IFFO2: variants seen among roughly 807,000 people sequenced by gnomAD.
The protein encoded by IFFO2 is intermediate filament family orphan 2.
In IFFO2, 19 loss-of-function variants were observed where a neutral mutation model predicts 53.5. The ratio of observed to expected loss-of-function variants is 0.36; its 90% CI spans 0.25 to 0.52. IFFO2 has a LOEUF of 0.52. IFFO2 is among the 20% of genes least tolerant of loss of function. The pLI is 0.94. For synonymous variants in IFFO2, 303 were observed against 313.6 expected, an observed-to-expected ratio of 0.97 and a Z score of 0.36; for missense variants, 570 against 727.4, an observed-to-expected ratio of 0.78 and a Z score of 2.49.
rs1557634438 is a variant in IFFO2, at chr1:18,904,542, G to C, written c.*4019C>G. 6.6e-6 allele frequency: 1 copy of C among 152,208 alleles called. No homozygotes were observed. The highest frequency in any genetic ancestry group is 2.4e-5 in the African/African-American group (1 of 41,412). 9.4% of individuals were successfully genotyped at this position (152,208 alleles called of 1,614,324 possible). A position where few individuals can be genotyped will look rare whatever the true frequency, so the allele number is the denominator to read the frequency against. ...AAAAACATCCACAAGGGGTCTTGCA[G>C]GGAAGGGCTTTGCCTCATTTCTTTG... On this transcript the variant is annotated 3_prime_UTR_variant, in exon 9 of 9. Transcript: ENST00000455833.
In IFFO2 at chr1:18,914,591, C is replaced by T. The variant is rs138239219; in HGVS notation, c.1103+2312G>A. Among the ~76,000 whole-genome samples the T allele has an allele frequency of 5.9e-5, 9 of 151,880 alleles. No individual in the cohort carries two copies. The East Asian group carries it at 1.7e-3, about 29-fold the overall frequency. Reference sequence around the variant, plus strand: ...CAGGACTTCGGGAGGCCAAGGTGGGCGGATCACTTTAGGACAGGAGTTTGA... The same window carrying T: ...CAGGACTTCGGGAGGCCAAGGTGGGTGGATCACTTTAGGACAGGAGTTTGA... On this transcript the variant is annotated intron_variant, in intron 5 of 8. Coordinates refer to ENST00000455833, the MANE Select transcript of IFFO2 (RefSeq NM_001136265.2).
intron 1 of IFFO2, among the ~76,000 whole-genome samples, chr1:18,926,975 C>A (rs1248992054): frequency 1.3e-5 from 2 of 152,192 alleles, no homozygotes; most frequent in Non-Finnish European, 2.9e-5. Context: ...CATCCCAAGA[C>A]ACCAGGGCAG....
chr1:18,946,986 T>C (rs1368014997), intron 1 of IFFO2, among the ~76,000 whole-genome samples: 1 of 152,250 alleles, frequency 6.6e-6, no homozygotes, highest in African/African-American at 2.4e-5. Flanking sequence ...GCACATGCTG[T>C]TGTCACATGA....
At position 18,908,545 on chromosome 1, in the gene IFFO2, C is replaced by T. The variant is rs530064644; in HGVS notation, c.*16G>A. ...GCCCCATCACCAAGACCACCAGGCT[C>T]GCAGGGCCTCAGTCATCAGCTGACC... On this transcript the variant is annotated 3_prime_UTR_variant, in exon 9 of 9. Transcript: ENST00000455833. The T allele has an allele frequency of 3.3e-5, 51 of 1,539,604 alleles. No homozygotes were observed. The East Asian group carries it at 9.3e-4, about 28-fold the overall frequency.
At chr1:18,912,236 T>G (rs1936052001) in intron 5 of IFFO2, among the ~76,000 whole-genome samples, 153 bp from the exon 6 acceptor site, 1 of 152,196 alleles carries the variant, frequency 6.6e-6, no homozygotes, top group Non-Finnish European at 1.5e-5. Flanking sequence ...GACATTCGCC[T>G]TATCCAAAAG....
chr1:18,929,712 G>A (rs2148177118), intron 1 of IFFO2, among the ~76,000 whole-genome samples: 1 of 152,128 alleles, frequency 6.6e-6, no homozygotes, highest in East Asian at 1.9e-4. Context: ...CTGGGCTCCG[G>A]CCCCCCAGCC....
intron 5 of IFFO2, among the ~76,000 whole-genome samples, chr1:18,914,376 C>T (rs960754217): frequency 6.6e-6 from 1 of 152,208 alleles, no homozygotes; most frequent in Non-Finnish European, 1.5e-5. Context: ...TTTATAAAAG[C>T]AGGGACAACA....
chr1:18,948,411 T>C (rs28572023), intron 1 of IFFO2, among the ~76,000 whole-genome samples: 120,444 of 152,098 alleles, frequency 0.79, 48,816 homozygotes, highest in East Asian at 0.94. Context: ...CACGTGGGCA[T>C]AGTGAAGCTC....
intron 1 of IFFO2, 37 bp downstream of exon 1, chr1:18,955,631 C>G: frequency 6.5e-7 from 1 of 1,530,118 alleles, no homozygotes; most frequent in Non-Finnish European, 8.7e-7. Flanking sequence ...ACCTGGGCGC[C>G]CCGTCCCAGG....
chr1:18,912,625 A>G (rs1306389169), intron 5 of IFFO2, among the ~76,000 whole-genome samples: 3 of 152,182 alleles, frequency 2.0e-5, no homozygotes, highest in Non-Finnish European at 2.9e-5. Context: ...ACACTCCCCA[A>G]GCACCCATTA....
At chr1:18,925,013 A>G (rs1018566717) in intron 1 of IFFO2, among the ~76,000 whole-genome samples, 12 of 152,142 alleles carry the variant, frequency 7.9e-5, no homozygotes, top group Non-Finnish European at 1.8e-4. Flanking sequence ...ACACGGCCTG[A>G]ATCACTGAGA....
At position 18,928,063 on chromosome 1, in the gene IFFO2, G is replaced by A. The variant is rs147676258; in HGVS notation, c.666-6942C>T. On this transcript the variant is annotated intron_variant, in intron 1 of 8. Coordinates refer to ENST00000455833, the MANE Select transcript of IFFO2 (RefSeq NM_001136265.2). The surrounding 1 kb of genome is among the most constrained non-coding windows in gnomAD (Gnocchi z 4.9). ...CCTGGGCAGCTCAGCACTGATGCAC[G>A]TGTGGATGCCTTGCCTCCTGACTTT... Among the ~76,000 whole-genome samples, 201 of 152,340 alleles carry A rather than the reference G, an allele frequency of 1.3e-3. No individual in the cohort carries two copies. The highest frequency in any genetic ancestry group is 4.7e-3 in the African/African-American group (197 of 41,574).
chr1:18,956,513 G>A lies in IFFO2; in HGVS notation c.-181C>T, dbSNP rs1375900760. 4.4e-5 allele frequency: 7 copies of A among 158,352 alleles called. No homozygotes were observed. In the East Asian group the frequency reaches 1.3e-3, roughly 29 times the overall value. 9.8% of individuals were successfully genotyped at this position (158,352 alleles called of 1,614,324 possible). A position where few individuals can be genotyped will look rare whatever the true frequency, so the allele number is the denominator to read the frequency against. On this transcript the variant is annotated 5_prime_UTR_variant, in exon 1 of 9. Transcript: ENST00000455833. This position sits in a 1 kb window ranked among gnomAD's most constrained non-coding sequence, Gnocchi z 6.4. ...GACGGCAGGACGGATGGCCCCGGAT[G>A]CGGGCGCCGAGGCGAGAGAGGGCAC...
intron 1 of IFFO2, among the ~76,000 whole-genome samples, chr1:18,921,327 G>T (rs1936213354): frequency 6.6e-6 from 1 of 152,226 alleles, no homozygotes; most frequent in Admixed American, 6.5e-5. Flanking sequence ...TATAACCAGA[G>T]TATCAGGTGG....
At chr1:18,909,787 G>A (rs1036969768) in intron 8 of IFFO2, among the ~76,000 whole-genome samples, 24 of 151,510 alleles carry the variant, frequency 1.6e-4, no homozygotes, top group African/African-American at 5.1e-4. Context: ...TTTTTGAGAC[G>A]GGGTCTTGCT....
At chr1:18,914,684 G>A (rs962292521) in intron 5 of IFFO2, among the ~76,000 whole-genome samples, 1 of 152,034 alleles carries the variant, frequency 6.6e-6, no homozygotes, top group Non-Finnish European at 1.5e-5. Flanking sequence ...TTAGCTGGGT[G>A]TGGTGGTGTG....
chr1:18,933,750 C>T (rs1377771955), intron 1 of IFFO2, among the ~76,000 whole-genome samples: 1 of 151,780 alleles, frequency 6.6e-6, no homozygotes, highest in African/African-American at 2.4e-5. Context: ...AGAGCAAGAC[C>T]CTGTCTCAAA....
chr1:18,908,167 T>C lies in IFFO2; in HGVS notation c.*394A>G, dbSNP rs1008183886. The C allele has an allele frequency of 9.3e-5, 21 of 226,424 alleles. No individual in the cohort carries two copies. The highest frequency in any genetic ancestry group is 3.3e-4 in the African/African-American group (15 of 44,916). The allele number at this position is 226,424 out of a possible 1,614,324, so 14.0% of individuals were successfully genotyped here. On this transcript the variant is annotated 3_prime_UTR_variant, in exon 9 of 9. Transcript: ENST00000455833. ...GTGGGACGGACGGCAGAAACCACAT[T>C]ACACCACGGCCGGTTGGCCCGGCCC...
At chr1:18,950,708 C>T (rs1028931714) in intron 1 of IFFO2, among the ~76,000 whole-genome samples, 2 of 152,224 alleles carry the variant, frequency 1.3e-5, no homozygotes, top group South Asian at 2.1e-4. Context: ...GGGCAGCCTT[C>T]GGGCTTCGGG....
Sources: gnomAD v4.1 joint callset for allele counts (sites outside exome capture counted in the v4.1 genomes callset) on GRCh38, gnomAD v4.1.1 for gene constraint, Gnocchi (gnomAD v3.1) non-coding constraint, MANE v1.5 for transcripts, NCBI Gene and HGNC (gene_info 2026-07-23, HGNC 2026-07-21) for gene names.